The following RIMKLB variants were observed in gnomAD, a reference collection of about 807,000 sequenced individuals.
The protein encoded by RIMKLB is beta-citrylglutamate synthase B.
A neutral mutation model predicts 32.0 loss-of-function variants in RIMKLB; 7 were observed. The observed-to-expected ratio is 0.22, with a 90% confidence interval of 0.12 to 0.41. The LOEUF (loss-of-function observed/expected upper bound fraction) is 0.41. RIMKLB is among the 10% of genes least tolerant of loss of function. RIMKLB has a pLI of 1.00. For missense variants in RIMKLB, 289 were observed against 498.7 expected, an observed-to-expected ratio of 0.58 and a Z score of 4.00; for synonymous variants, 172 against 185.1, an observed-to-expected ratio of 0.93 and a Z score of 0.57.
chr12:8,743,253 C>G (rs1947743143), intron 2 of RIMKLB, among the ~76,000 whole-genome samples: 1 of 148,460 alleles, frequency 6.7e-6, no homozygotes, highest in African/African-American at 2.5e-5. Flanking sequence ...ACTTGGGAGG[C>G]TGAGGCAAGA....
At chr12:8,764,246 G>T (rs1338422822) in intron 5 of RIMKLB, among the ~76,000 whole-genome samples, 1 of 152,076 alleles carries the variant, frequency 6.6e-6, no homozygotes, top group African/African-American at 2.4e-5. Flanking sequence ...TAACTTGAAC[G>T]GGACAGGAAT....
chr12:8,746,701 A>G (rs1334551771), intron 2 of RIMKLB, among the ~76,000 whole-genome samples: 3 of 152,014 alleles, frequency 2.0e-5, no homozygotes, highest in Non-Finnish European at 4.4e-5. Context: ...GCTGATGACC[A>G]CATACCTACC....
chr12:8,702,564 G>A (rs1045780844), intron 1 of RIMKLB, among the ~76,000 whole-genome samples: 7 of 152,118 alleles, frequency 4.6e-5, no homozygotes, highest in Non-Finnish European at 1.0e-4. Flanking sequence ...TCTCTAAAGT[G>A]GAATATAGAA....
the RIMKLB span, among the ~76,000 whole-genome samples, chr12:8,672,206 T>C: frequency 1.3e-5 from 2 of 152,176 alleles, no homozygotes; most frequent in Admixed American, 6.6e-5. Flanking sequence ...GCAAGGTCAT[T>C]CAACAAGTCT....
intron 2 of RIMKLB, among the ~76,000 whole-genome samples, chr12:8,734,489 G>A (rs1473358617): frequency 6.6e-6 from 1 of 152,140 alleles, no homozygotes; most frequent in Non-Finnish European, 1.5e-5. Context: ...CCTTTATTAT[G>A]TATGCATAAG....
intron 2 of RIMKLB, among the ~76,000 whole-genome samples, chr12:8,728,814 T>C (rs1946280821): frequency 6.6e-6 from 1 of 151,984 alleles, no homozygotes; most frequent in South Asian, 2.1e-4. Context: ...TGTTTGTTTG[T>C]TTTTTAAGAG....
chr12:8,734,125 T>G (rs1274865072), intron 2 of RIMKLB, among the ~76,000 whole-genome samples: 1 of 152,134 alleles, frequency 6.6e-6, no homozygotes, highest in African/African-American at 2.4e-5. Context: ...ATGGTGAAGT[T>G]TCGTGGAAAA....
intron 2 of RIMKLB, among the ~76,000 whole-genome samples, chr12:8,727,155 G>A (rs935454646): frequency 2.6e-5 from 4 of 152,066 alleles, no homozygotes; most frequent in South Asian, 2.1e-4. Flanking sequence ...GTGCCTGCAC[G>A]TGCACACAGA....
chr12:8,719,070 C>T (rs1187393765), intron 2 of RIMKLB, among the ~76,000 whole-genome samples: 2 of 152,090 alleles, frequency 1.3e-5, no homozygotes, highest in East Asian at 1.9e-4. Flanking sequence ...TCCTTCCCTC[C>T]CTCTCACCCA....
chr12:8,712,927 TA>T (rs970550959), intron 1 of RIMKLB, among the ~76,000 whole-genome samples: 5 of 152,200 alleles, frequency 3.3e-5, no homozygotes, highest in East Asian at 1.9e-4. Flanking sequence ...TGGTAAACAT[TA>T]AAAAAAATCG....
Position 8,776,804 on chromosome 12 carries a change from A to G in RIMKLB, c.*3020A>G, listed in dbSNP as rs1950754755. The G allele has an allele frequency of 1.0e-6, 1 of 985,530 alleles. No individual in the cohort carries two copies. The highest frequency in any genetic ancestry group is 1.2e-6 in the Non-Finnish European group (1 of 829,864). 61.0% of individuals were successfully genotyped at this position (985,530 alleles called of 1,614,324 possible). On this transcript the variant is annotated 3_prime_UTR_variant, in exon 6 of 6. Coordinates refer to ENST00000535829, the MANE Select transcript of RIMKLB (RefSeq NM_001297776.2). ...GAACAGTAGAAAAACCCAACAAGAG[A>G]CTTGGCATTCATCAAGCACATTATC... is the stretch of plus-strand genomic sequence containing the variant.
chr12:8,693,428 AT>A (rs1218664275), upstream of RIMKLB, among the ~76,000 whole-genome samples: 6 of 143,740 alleles, frequency 4.2e-5, no homozygotes, highest in Non-Finnish European at 7.5e-5. Flanking sequence ...AGGGAGTCTC[AT>A]TCTGTCACCT....
intron 2 of RIMKLB, among the ~76,000 whole-genome samples, chr12:8,717,894 T>A (rs1565570413): frequency 1.3e-5 from 2 of 152,336 alleles, no homozygotes; most frequent in South Asian, 2.1e-4. Flanking sequence ...TAAAAACTTT[T>A]GAAACATTCA....
At chr12:8,747,079 A>G (rs988647963) in intron 2 of RIMKLB, among the ~76,000 whole-genome samples, 3 of 152,164 alleles carry the variant, frequency 2.0e-5, no homozygotes, top group African/African-American at 7.2e-5. Flanking sequence ...TGGATTCTCA[A>G]GATGGAATGA....
At chr12:8,753,037 C>T (rs1159787933) in intron 4 of RIMKLB, among the ~76,000 whole-genome samples, 10 of 152,140 alleles carry the variant, frequency 6.6e-5, no homozygotes, top group Non-Finnish European at 1.2e-4. Context: ...TGAGCCACTG[C>T]GCCCAGCCTA....
chr12:8,782,678 A>G (rs1286338045), intron 7 of RIMKLB, among the ~76,000 whole-genome samples: 2 of 152,174 alleles, frequency 1.3e-5, no homozygotes, highest in African/African-American at 4.8e-5. Context: ...TTATTTTTTA[A>G]TGATAAGAAC....
intron 5 of RIMKLB, among the ~76,000 whole-genome samples, chr12:8,762,736 G>A (rs1027325653): frequency 2.0e-5 from 3 of 152,112 alleles, no homozygotes; most frequent in African/African-American, 7.2e-5. Context: ...CCAGCTGAGC[G>A]CTAGTTCCTG....
At chr12:8,705,928 A>G (rs1393687486) in intron 1 of RIMKLB, among the ~76,000 whole-genome samples, 1 of 152,154 alleles carries the variant, frequency 6.6e-6, no homozygotes, top group Admixed American at 6.5e-5. Context: ...TGATTGGATG[A>G]AGCCCCTCCA....
At chr12:8,679,345 CGT>C (rs200006117), upstream of RIMKLB, among the ~76,000 whole-genome samples, 2,680 of 152,220 alleles carry the variant, frequency 0.018, 52 homozygotes, top group African/African-American at 0.051. Flanking sequence ...ACCACCACCA[CGT>C]GCCTGACTAA....
Sources: allele counts gnomAD v4.1 joint callset (sites outside exome capture counted in the v4.1 genomes callset), GRCh38; gene constraint gnomAD v4.1.1; transcripts MANE v1.5; gene names NCBI Gene and HGNC (gene_info 2026-07-23, HGNC 2026-07-21).